Variants in KLHL2 observed in about 807,000 individuals in gnomAD.
KLHL2 encodes kelch-like protein 2.
A neutral mutation model predicts 75.8 loss-of-function variants in KLHL2; 15 were observed. The observed-to-expected ratio is 0.20, with a 90% CI of 0.13 to 0.30. KLHL2 has a LOEUF of 0.30. KLHL2 is among the 10% of genes least tolerant of loss of function. KLHL2 has a pLI of 1.00. For synonymous variants in KLHL2, 214 were observed against 251.9 expected (o/e 0.85, Z 1.42); for missense variants, 381 against 741.0 (o/e 0.51, Z 5.64).
At chr4:165,232,882 T>C (rs1355832701) in intron 3 of KLHL2, among the ~76,000 whole-genome samples, 1 of 140,534 alleles carries the variant, frequency 7.1e-6, no homozygotes, top group Non-Finnish European at 1.6e-5. Context: ...GTTAAGCTTT[T>C]TTTTTTTTTT....
At chr4:165,237,988 C>G (rs569709610) in intron 3 of KLHL2, among the ~76,000 whole-genome samples, 1 of 152,268 alleles carries the variant, frequency 6.6e-6, no homozygotes, top group South Asian at 2.1e-4. Flanking sequence ...TCCTCCTTCC[C>G]TATTTCTTTT....
intron 4 of KLHL2, among the ~76,000 whole-genome samples, chr4:165,262,611 C>T (rs1056385579): frequency 1.3e-5 from 2 of 152,164 alleles, no homozygotes; most frequent in Admixed American, 1.3e-4. Context: ...TGGGGTCTCA[C>T]TCTGTCACCC....
At chr4:165,277,510 CTG>C (rs1743220494) in intron 5 of KLHL2, among the ~76,000 whole-genome samples, 2 of 152,176 alleles carry the variant, frequency 1.3e-5, no homozygotes, top group African/African-American at 4.8e-5. Context: ...TTTGGGGTAT[CTG>C]TTAAAAGCGA....
intron 14 of KLHL2, among the ~76,000 whole-genome samples, chr4:165,320,388 T>C (rs2126595812): frequency 6.6e-6 from 1 of 152,342 alleles, no homozygotes; most frequent in East Asian, 1.9e-4. Context: ...TGGTTCCATC[T>C]ATGCTTCAGG....
chr4:165,250,111 G>A (rs563071083), intron 4 of KLHL2, among the ~76,000 whole-genome samples: 4 of 148,804 alleles, frequency 2.7e-5, no homozygotes, highest in African/African-American at 7.5e-5. Context: ...GCAACAGAGT[G>A]AGACTCCGTC....
In KLHL2 at chr4:165,322,940, T is replaced by A. The variant is rs915049790; in HGVS notation, c.*880T>A. On this transcript the variant is annotated 3_prime_UTR_variant, in exon 15 of 15. Transcript: ENST00000226725. ...GCAGGTTTTTGATGAATATAATGAA[T>A]GTATGGAATTCAATTGAATTTGCAT... The A allele has an allele frequency of 6.5e-6, 1 of 152,732 alleles. No homozygotes were observed. Among genetic ancestry groups the A allele is most frequent in the East Asian group, 1.9e-4 (1 of 5,190 alleles). The allele number at this position is 152,732 out of a possible 1,614,324, so 9.5% of individuals were successfully genotyped here. A position where few individuals can be genotyped will look rare whatever the true frequency, so the allele number is the denominator to read the frequency against.
At chr4:165,264,727 T>TATATATATATAC (rs1742062883) in intron 5 of KLHL2, among the ~76,000 whole-genome samples, 1 of 74,112 alleles carries the variant, frequency 1.3e-5, no homozygotes, top group Non-Finnish European at 2.6e-5. Context: ...TATACATATA[T>TATATATATATAC]ATATATATAT....
intron 4 of KLHL2, among the ~76,000 whole-genome samples, chr4:165,250,682 A>C (rs1740630981): frequency 6.6e-6 from 1 of 152,230 alleles, no homozygotes; most frequent in South Asian, 2.1e-4. Context: ...AAAATATCTA[A>C]ATGCTCTATA....
At chr4:165,265,180 A>C (rs996787328) in intron 5 of KLHL2, among the ~76,000 whole-genome samples, 1 of 152,088 alleles carries the variant, frequency 6.6e-6, no homozygotes, top group Non-Finnish European at 1.5e-5. Flanking sequence ...CTTCTTTTTA[A>C]GAAATATCTG....
At chr4:165,247,557 G>C (rs1312615272) in intron 4 of KLHL2, among the ~76,000 whole-genome samples, 1 of 152,098 alleles carries the variant, frequency 6.6e-6, no homozygotes, top group Non-Finnish European at 1.5e-5. Flanking sequence ...AAAAGTGAGA[G>C]GGGTTGGCAT....
At chr4:165,280,071 G>A (rs1354741218) in intron 5 of KLHL2, among the ~76,000 whole-genome samples, 4 of 152,242 alleles carry the variant, frequency 2.6e-5, no homozygotes, top group South Asian at 2.1e-4. Context: ...CTAGATGTGT[G>A]CCTTCTCATT....
chr4:165,282,966 A>G (rs566576305), intron 5 of KLHL2, among the ~76,000 whole-genome samples: 28 of 152,096 alleles, frequency 1.8e-4, no homozygotes, highest in Non-Finnish European at 1.3e-4. Flanking sequence ...GGAGCAAGTC[A>G]TATCTTATGT....
chr4:165,220,320 A>G, intron 2 of KLHL2, among the ~76,000 whole-genome samples: 1 of 152,068 alleles, frequency 6.6e-6, no homozygotes, highest in Non-Finnish European at 1.5e-5. Context: ...AAAAATACAC[A>G]GGGGATTTCT....
chr4:165,219,592 G>C, intron 1 of KLHL2: 1 of 701,560 alleles, frequency 1.4e-6, no homozygotes, highest in Non-Finnish European at 1.8e-6. Context: ...TATGACTATA[G>C]AAGTTTGTAA....
intron 5 of KLHL2, among the ~76,000 whole-genome samples, chr4:165,280,567 A>G (rs1424318391): frequency 4.6e-5 from 7 of 152,354 alleles, no homozygotes; most frequent in East Asian, 1.9e-4. Flanking sequence ...TGATTATTCA[A>G]GGGTCTATTG....
At chr4:165,244,654 CA>C (rs895827193) in intron 4 of KLHL2, among the ~76,000 whole-genome samples, 57 of 150,744 alleles carry the variant, frequency 3.8e-4, no homozygotes, top group Middle Eastern at 3.4e-3. Flanking sequence ...AACAAACAAA[CA>C]AAAAAGGAAC....
At chr4:165,248,600 G>A (rs1740445802) in intron 4 of KLHL2, among the ~76,000 whole-genome samples, 1 of 152,228 alleles carries the variant, frequency 6.6e-6, no homozygotes, top group African/African-American at 2.4e-5. Context: ...TTTTTCAGGT[G>A]TGGATGGTGA....
At position 165,278,173 on chromosome 4, in the gene KLHL2, A is replaced by G. The variant is rs181488455; in HGVS notation, c.544+14814A>G. ...AACGAATTTCACTTTCCTCAGCATTAATCTGAGGTTCAAACCGCTCCATCG... is the reference window on the plus strand; with the variant it reads ...AACGAATTTCACTTTCCTCAGCATTGATCTGAGGTTCAAACCGCTCCATCG... On this transcript the variant is annotated intron_variant, in intron 5 of 14. Transcript: ENST00000226725. The G allele has an allele frequency of 1.7e-4, 234 of 1,370,552 alleles. No homozygotes were observed. In the African/African-American group the frequency reaches 2.9e-3, roughly 17 times the overall value. The allele number at this position is 1,370,552 out of a possible 1,614,324, so 84.9% of individuals were successfully genotyped here. A position where few individuals can be genotyped will look rare whatever the true frequency, so the allele number is the denominator to read the frequency against.
intron 2 of KLHL2, among the ~76,000 whole-genome samples, chr4:165,227,312 G>A (rs1172158302): frequency 6.6e-6 from 1 of 152,112 alleles, no homozygotes; most frequent in East Asian, 1.9e-4. Context: ...ACTGATGCTG[G>A]GGTACTCTTT....
Sources: gnomAD v4.1 joint callset for allele counts (sites outside exome capture counted in the v4.1 genomes callset) on GRCh38, gnomAD v4.1.1 for gene constraint, MANE v1.5 for transcripts, NCBI Gene and HGNC (gene_info 2026-07-23, HGNC 2026-07-21) for gene names.